Variants in CHRDL1 observed in about 807,000 individuals in gnomAD.
CHRDL1 encodes the protein chordin-like protein 1.
In CHRDL1, 19 loss-of-function variants were observed where a neutral mutation model predicts 40.9. The ratio of observed to expected loss-of-function variants is 0.46; its 90% CI spans 0.32 to 0.68. The LOEUF is 0.68. Among genes scored for constraint, CHRDL1 ranks in the 30% least tolerant of loss-of-function variants. The probability of loss-of-function intolerance (pLI) is 0.03; values close to 1 mark genes in which losing one functional copy is unlikely to be tolerated. For synonymous variants in CHRDL1, 136 were observed against 123.4 expected (o/e 1.10, Z -0.68); for missense variants, 329 against 352.1 (o/e 0.93, Z 0.53).
chrX:110,783,992 G>T (rs1439913564), intron 2 of CHRDL1, among the ~76,000 whole-genome samples: 1 of 111,717 alleles, frequency 9.0e-6, no homozygotes, highest in Non-Finnish European at 1.9e-5. Flanking sequence ...ATAACACATG[G>T]TCAGTGGAAA....
At chrX:110,707,662 T>C (rs981539949) in intron 6 of CHRDL1, among the ~76,000 whole-genome samples, 1 of 111,898 alleles carries the variant, frequency 8.9e-6, no homozygotes, top group Non-Finnish European at 1.9e-5. Context: ...ATTAAAGGCT[T>C]AAACGTAAGA....
chrX:110,686,035 G>A (rs914500064), intron 9 of CHRDL1, among the ~76,000 whole-genome samples: 3 of 109,081 alleles, frequency 2.8e-5, no homozygotes, highest in Non-Finnish European at 5.7e-5. Flanking sequence ...GGGACTACAG[G>A]AGGTACGTGC....
rs755455010 is a variant in CHRDL1 at position 110,745,356 on chromosome X, T to C, written c.301+14305A>G. 6.3e-5 allele frequency among the ~76,000 whole-genome samples: 7 copies of C among 111,682 alleles called. No individual in the cohort carries two copies. The South Asian group carries it at 2.7e-3, about 43-fold the overall frequency. The stretch of plus-strand genomic sequence containing the variant: ...CTGCACCTCCTCCCTACTTTTGCAG[T>C]GGGCTGGCTCTGCAAAATAATGTCT... On this transcript the variant is annotated intron_variant, in intron 4 of 11. Coordinates refer to ENST00000372042, the MANE Select transcript of CHRDL1 (RefSeq NM_001143981.2).
chrX:110,736,297 G>A (rs1389754907), intron 4 of CHRDL1, among the ~76,000 whole-genome samples: 2 of 112,358 alleles, frequency 1.8e-5, no homozygotes, highest in East Asian at 5.6e-4. Flanking sequence ...TACACAGAAA[G>A]GAAAGGGAAG....
At chrX:110,698,611 G>T (rs1322441721) in intron 7 of CHRDL1, among the ~76,000 whole-genome samples, 1 of 111,765 alleles carries the variant, frequency 8.9e-6, no homozygotes, top group East Asian at 2.8e-4. Context: ...TATTTCAAGG[G>T]CCCACATTCT....
At chrX:110,722,106 T>G (rs970418650) in intron 4 of CHRDL1, among the ~76,000 whole-genome samples, 6 of 110,981 alleles carry the variant, frequency 5.4e-5, no homozygotes, top group African/African-American at 2.0e-4. Flanking sequence ...CAAGCAATTC[T>G]CGTGCCTCAG....
At chrX:110,722,431 G>A (rs957113433) in intron 4 of CHRDL1, among the ~76,000 whole-genome samples, 2 of 108,462 alleles carry the variant, frequency 1.8e-5, no homozygotes, top group Non-Finnish European at 3.8e-5. Flanking sequence ...ATCTGATCTT[G>A]AAGGTTCAGC....
chrX:110,774,293 A>G (rs979573504), intron 2 of CHRDL1, among the ~76,000 whole-genome samples: 2 of 111,903 alleles, frequency 1.8e-5, no homozygotes, highest in African/African-American at 6.5e-5. Context: ...TTCATTTAGC[A>G]TAATGTCCTC....
chrX:110,782,695 CTCA>C (rs1356922599), intron 2 of CHRDL1, among the ~76,000 whole-genome samples: 2 of 112,178 alleles, frequency 1.8e-5, no homozygotes, highest in African/African-American at 6.5e-5. Context: ...TAAAATAGTG[CTCA>C]TGCTTTTAAG....
intron 1 of CHRDL1, among the ~76,000 whole-genome samples, chrX:110,793,279 C>G (rs1203445019): frequency 8.9e-6 from 1 of 112,279 alleles, no homozygotes; most frequent in Non-Finnish European, 1.9e-5. Flanking sequence ...GAAGTAGATG[C>G]TACAGCTCCT....
chrX:110,748,523 T>C (rs926389742), intron 4 of CHRDL1, among the ~76,000 whole-genome samples: 1 of 111,907 alleles, frequency 8.9e-6, no homozygotes, highest in Non-Finnish European at 1.9e-5. Flanking sequence ...AAAGACAGTG[T>C]GGTCTCTGGA....
chrX:110,717,437 A>T (rs1217155450), intron 6 of CHRDL1, among the ~76,000 whole-genome samples: 1 of 111,966 alleles, frequency 8.9e-6, no homozygotes. Context: ...CTTCACTATC[A>T]GAGTCGGGGG....
intron 4 of CHRDL1, among the ~76,000 whole-genome samples, 173 bp from the exon 5 acceptor site, chrX:110,721,703 A>G (rs937892562): frequency 8.9e-6 from 1 of 112,054 alleles, no homozygotes; most frequent in African/African-American, 3.2e-5. Flanking sequence ...ACAGCAGCTG[A>G]CATTATGATC....
chrX:110,711,124 T>C (rs2070740010), intron 6 of CHRDL1, among the ~76,000 whole-genome samples: 1 of 112,145 alleles, frequency 8.9e-6, no homozygotes, highest in Non-Finnish European at 1.9e-5. Flanking sequence ...TTCTAAAATT[T>C]GTAATTTTTA....
chrX:110,777,518 C>T (rs1214971807), intron 2 of CHRDL1, among the ~76,000 whole-genome samples: 3 of 111,649 alleles, frequency 2.7e-5, no homozygotes, highest in African/African-American at 9.7e-5. Flanking sequence ...TTGGTGTTGT[C>T]AGTGTTCTGG....
chrX:110,773,533 C>T (rs1259311386), intron 2 of CHRDL1, among the ~76,000 whole-genome samples: 3 of 109,735 alleles, frequency 2.7e-5, no homozygotes, highest in Non-Finnish European at 3.8e-5. Context: ...TCTAGACCAT[C>T]CTGGCTAACA....
At chrX:110,727,201 G>A (rs932879517) in intron 4 of CHRDL1, among the ~76,000 whole-genome samples, 6 of 111,888 alleles carry the variant, frequency 5.4e-5, no homozygotes, top group African/African-American at 1.9e-4. Context: ...AAGATTCCTT[G>A]CTGAAAGAGT....
intron 2 of CHRDL1, among the ~76,000 whole-genome samples, chrX:110,771,935 TAGAG>T (rs1387243792): frequency 1.2e-4 from 13 of 111,823 alleles, no homozygotes; most frequent in East Asian, 2.8e-4. Context: ...AAAGTTACTA[TAGAG>T]AATTTATAAA....
chrX:110,716,572 G>T (rs773213127), intron 6 of CHRDL1, among the ~76,000 whole-genome samples: 2 of 110,966 alleles, frequency 1.8e-5, no homozygotes, highest in East Asian at 5.7e-4. Flanking sequence ...TAGTTTGCAG[G>T]ATTTAAAAAC....
Sources: gnomAD v4.1 joint callset for allele counts (sites outside exome capture counted in the v4.1 genomes callset) on GRCh38, gnomAD v4.1.1 for gene constraint, MANE v1.5 for transcripts, NCBI Gene and HGNC (gene_info 2026-07-23, HGNC 2026-07-21) for gene names.